Variants in CAPZB observed in about 807,000 individuals in gnomAD.
CAPZB encodes F-actin-capping protein subunit beta.
CAPZB carries 2 observed loss-of-function variants against 38.1 expected under a neutral mutation model. The observed-to-expected ratio is 0.05, with a 90% confidence interval of 0.02 to 0.17. The LOEUF (loss-of-function observed/expected upper bound fraction) is 0.17. CAPZB is among the 10% of genes least tolerant of loss of function. CAPZB has a pLI of 1.00. For synonymous variants in CAPZB, 107 were observed against 127.4 expected, an observed-to-expected ratio of 0.84 and a Z score of 1.08; for missense variants, 161 against 334.2, an observed-to-expected ratio of 0.48 and a Z score of 4.04.
chr1:19,388,777 A>T (rs1324613511), intron 2 of CAPZB, among the ~76,000 whole-genome samples: 1 of 152,250 alleles, frequency 6.6e-6, no homozygotes, highest in African/African-American at 2.4e-5. Context: ...AAGACTGTTC[A>T]TTTGTCAAAC....
At chr1:19,426,816 TA>T (rs1208044381) in intron 1 of CAPZB, among the ~76,000 whole-genome samples, 2 of 152,214 alleles carry the variant, frequency 1.3e-5, no homozygotes, top group Admixed American at 6.5e-5. Flanking sequence ...ATTGTTCCTT[TA>T]AGTCACTAGG....
chr1:19,475,420 G>A (rs1202735989), intron 1 of CAPZB, among the ~76,000 whole-genome samples: 6 of 152,172 alleles, frequency 3.9e-5, no homozygotes, highest in East Asian at 1.9e-4. Context: ...AGCGCTCAGC[G>A]CCCACCATGT....
intron 1 of CAPZB, chr1:19,449,057 C>G (rs1406327661): frequency 6.8e-7 from 1 of 1,471,494 alleles, no homozygotes; most frequent in African/African-American, 1.4e-5. Flanking sequence ...TGGTTTCCAT[C>G]TGACCCAAGC....
intron 4 of CAPZB, among the ~76,000 whole-genome samples, chr1:19,362,316 G>A (rs374554116): frequency 4.6e-5 from 7 of 152,164 alleles, no homozygotes; most frequent in South Asian, 2.1e-4. Flanking sequence ...AGCTCACTGC[G>A]ACCTCCACTT....
At chr1:19,402,935 G>C (rs1307274141) in intron 2 of CAPZB, among the ~76,000 whole-genome samples, 2 of 152,160 alleles carry the variant, frequency 1.3e-5, no homozygotes, top group Non-Finnish European at 2.9e-5. Flanking sequence ...TGTAATCCCA[G>C]CTACTTGGGA....
At chr1:19,345,306 G>A (rs753823373) in intron 6 of CAPZB, 54 bp from the exon 7 acceptor site, 38 of 1,416,876 alleles carry the variant, frequency 2.7e-5, no homozygotes, top group Middle Eastern at 3.5e-4. Context: ...TTCTGAGAAC[G>A]GCAGACAGCC....
At chr1:19,350,262 C>T (rs919977741) in intron 6 of CAPZB, among the ~76,000 whole-genome samples, 4 of 152,290 alleles carry the variant, frequency 2.6e-5, no homozygotes, top group Non-Finnish European at 4.4e-5. Context: ...TGCTGCAGCC[C>T]GAGAGGAAAG....
At chr1:19,360,213 C>T (rs2094045447) in intron 4 of CAPZB, among the ~76,000 whole-genome samples, 1 of 152,198 alleles carries the variant, frequency 6.6e-6, no homozygotes, top group South Asian at 2.1e-4. Flanking sequence ...AAGAGCAACT[C>T]ATAACAGACC....
intron 2 of CAPZB, among the ~76,000 whole-genome samples, chr1:19,415,959 C>T (rs991227227): frequency 3.3e-5 from 5 of 152,226 alleles, no homozygotes; most frequent in African/African-American, 4.8e-5. Flanking sequence ...ATGAGAACAC[C>T]GTTTCCCCAA....
chr1:19,392,124 C>T (rs891744347), intron 2 of CAPZB, among the ~76,000 whole-genome samples: 2 of 151,228 alleles, frequency 1.3e-5, no homozygotes, highest in African/African-American at 2.4e-5. Flanking sequence ...TAGAGGTTGC[C>T]GTGAGCCAAG....
chr1:19,484,984 G>A (rs1188089521), intron 1 of CAPZB, among the ~76,000 whole-genome samples: 4 of 152,230 alleles, frequency 2.6e-5, no homozygotes, highest in African/African-American at 9.6e-5. Context: ...GGGACAGAGG[G>A]AGGCAGCGGC....
At chr1:19,481,829 G>A (rs1375851471) in intron 1 of CAPZB, among the ~76,000 whole-genome samples, 1 of 152,100 alleles carries the variant, frequency 6.6e-6, no homozygotes, top group Non-Finnish European at 1.5e-5. Flanking sequence ...GTGCCTGCAG[G>A]TACACTGAAC....
intron 3 of CAPZB, 34 bp downstream of exon 3, chr1:19,385,462 GTGTGCCTGC>G (rs2100459609): frequency 1.9e-6 from 3 of 1,609,664 alleles, no homozygotes; most frequent in East Asian, 2.2e-5. Flanking sequence ...GGCAGCCCGC[GTGTGCCTGC>G]TGTGCCTGCT....
intron 2 of CAPZB, among the ~76,000 whole-genome samples, chr1:19,418,687 C>T (rs995226156): frequency 1.3e-5 from 2 of 152,226 alleles, no homozygotes; most frequent in Non-Finnish European, 2.9e-5. Context: ...AGTCGCACTA[C>T]AGACCTTTCG....
At chr1:19,401,832 C>T (rs2094304717) in intron 2 of CAPZB, among the ~76,000 whole-genome samples, 1 of 152,158 alleles carries the variant, frequency 6.6e-6, no homozygotes, top group South Asian at 2.1e-4. Flanking sequence ...GTGATGTTGG[C>T]CCCCTGCTCC....
In CAPZB at chr1:19,437,256, T is replaced by C. The variant is rs576245082; in HGVS notation, c.4-17506A>G. On this transcript the variant is annotated intron_variant, in intron 1 of 8. Transcript: ENST00000264202. ...GAAGGCCTTCCATGAATATATGAAA[T>C]GTCACAAGTCCTCAGCCTGTGTCTG... 3.9e-5 allele frequency among the ~76,000 whole-genome samples: 6 copies of C among 152,256 alleles called. No homozygotes were observed. In the East Asian group the frequency reaches 7.7e-4, roughly 20 times the overall value.
intron 1 of CAPZB, among the ~76,000 whole-genome samples, chr1:19,427,023 C>T (rs2094425394): frequency 1.3e-5 from 2 of 152,104 alleles, no homozygotes; most frequent in Non-Finnish European, 2.9e-5. Context: ...ACAGATAGGA[C>T]GAGGTCAGTT....
intron 1 of CAPZB, among the ~76,000 whole-genome samples, chr1:19,446,233 A>G (rs1278730246): frequency 6.6e-6 from 1 of 152,256 alleles, no homozygotes; most frequent in Non-Finnish European, 1.5e-5. Context: ...TACCAAGTTC[A>G]GGATGCACTG....
intron 2 of CAPZB, among the ~76,000 whole-genome samples, chr1:19,411,687 G>T (rs951189145): frequency 6.6e-6 from 1 of 152,180 alleles, no homozygotes; most frequent in Non-Finnish European, 1.5e-5. Flanking sequence ...ATAAAATGAG[G>T]AACCATTACG....
Sources: allele counts gnomAD v4.1 joint callset (sites outside exome capture counted in the v4.1 genomes callset), GRCh38; gene constraint gnomAD v4.1.1; transcripts MANE v1.5; gene names NCBI Gene and HGNC (gene_info 2026-07-23, HGNC 2026-07-21).